Variants in AGBL4 observed in about 807,000 individuals in gnomAD.
AGBL4 encodes the protein AGBL carboxypeptidase 4.
Under a neutral mutation model 66.4 loss-of-function variants are expected in AGBL4, and 58 were observed. The ratio of observed to expected loss-of-function variants is 0.87; its 90% CI spans 0.71 to 1.09. The LOEUF (loss-of-function observed/expected upper bound fraction) is 1.09, where lower values mean the gene tolerates loss of function less well. Among genes scored for constraint, AGBL4 ranks in the 50% least tolerant of loss-of-function variants. The probability of loss-of-function intolerance (pLI) is 0.00; values close to 1 mark genes in which losing one functional copy is unlikely to be tolerated. For missense variants in AGBL4, 579 were observed against 631.0 expected, an observed-to-expected ratio of 0.92 and a Z score of 0.88; for synonymous variants, 234 against 222.9, an observed-to-expected ratio of 1.05 and a Z score of -0.44.
At chr1:49,538,640 G>A (rs999245841) in intron 3 of AGBL4, among the ~76,000 whole-genome samples, 4 of 152,068 alleles carry the variant, frequency 2.6e-5, no homozygotes, top group Non-Finnish European at 2.9e-5. Flanking sequence ...GGCAAAATGA[G>A]TGAAAATCAT....
intron 3 of AGBL4, among the ~76,000 whole-genome samples, chr1:49,579,988 C>T (rs1187636995): frequency 6.6e-6 from 1 of 152,078 alleles, no homozygotes; most frequent in African/African-American, 2.4e-5. Context: ...AATCTAAGTG[C>T]TCTGGTATTG....
chr1:49,006,292 C>G (rs1467273089), intron 5 of AGBL4, among the ~76,000 whole-genome samples: 3 of 152,172 alleles, frequency 2.0e-5, no homozygotes, highest in Non-Finnish European at 4.4e-5. Flanking sequence ...TCGGGTCACT[C>G]CCACCCGAAT....
chr1:49,188,794 T>C (rs1647061053), intron 4 of AGBL4, among the ~76,000 whole-genome samples: 1 of 152,198 alleles, frequency 6.6e-6, no homozygotes, highest in Non-Finnish European at 1.5e-5. Flanking sequence ...TTAACCTCTC[T>C]GAGCTTTAAT....
chr1:49,097,015 A>C (rs1272630469), intron 4 of AGBL4, among the ~76,000 whole-genome samples: 4 of 152,168 alleles, frequency 2.6e-5, no homozygotes, highest in African/African-American at 9.6e-5. Context: ...TAGCCCTGCC[A>C]ACAATTTGAC....
At chr1:49,273,073 T>G (rs1305702920) in intron 3 of AGBL4, among the ~76,000 whole-genome samples, 2 of 152,168 alleles carry the variant, frequency 1.3e-5, no homozygotes, top group African/African-American at 4.8e-5. Context: ...ATGTGAGCCT[T>G]TAAATCCTAA....
chr1:49,327,301 A>G (rs1645246313), intron 3 of AGBL4, among the ~76,000 whole-genome samples: 1 of 152,198 alleles, frequency 6.6e-6, no homozygotes, highest in Non-Finnish European at 1.5e-5. Flanking sequence ...TCTTATCTGC[A>G]TCTCAGTTCT....
chr1:49,445,238 G>A (rs1312340925), intron 3 of AGBL4, among the ~76,000 whole-genome samples: 3 of 151,722 alleles, frequency 2.0e-5, no homozygotes, highest in African/African-American at 7.3e-5. Context: ...TTTCTCTATA[G>A]GTGACTATGT....
chr1:48,801,862 C>T (rs536300353), intron 6 of AGBL4, among the ~76,000 whole-genome samples: 3 of 151,834 alleles, frequency 2.0e-5, no homozygotes, highest in African/African-American at 7.2e-5. Context: ...GTTTGTTAGT[C>T]CTGTCTTCCA....
At chr1:49,178,653 A>T (rs1025810669) in intron 4 of AGBL4, among the ~76,000 whole-genome samples, 4 of 152,136 alleles carry the variant, frequency 2.6e-5, no homozygotes, top group Non-Finnish European at 5.9e-5. Flanking sequence ...TCATTCTCAA[A>T]TTTAATCTTT....
chr1:49,911,623 G>T (rs984598296), intron 1 of AGBL4, among the ~76,000 whole-genome samples: 1 of 152,108 alleles, frequency 6.6e-6, no homozygotes, highest in Non-Finnish European at 1.5e-5. Context: ...CCCTAGTGGA[G>T]CCCAAAACCT....
chr1:48,922,633 A>G (rs1311907076), intron 5 of AGBL4, among the ~76,000 whole-genome samples: 2 of 152,194 alleles, frequency 1.3e-5, no homozygotes, highest in African/African-American at 2.4e-5. Flanking sequence ...ATACGATTTC[A>G]TTGTTATTCT....
At chr1:49,348,264 A>G (rs1645677864) in intron 3 of AGBL4, among the ~76,000 whole-genome samples, 1 of 151,976 alleles carries the variant, frequency 6.6e-6, no homozygotes, top group Non-Finnish European at 1.5e-5. Context: ...TAAAAATACA[A>G]AAAACTAGCC....
intron 1 of AGBL4, among the ~76,000 whole-genome samples, chr1:49,854,606 G>A (rs1646388716): frequency 6.6e-6 from 1 of 151,974 alleles, no homozygotes; most frequent in African/African-American, 2.4e-5. Context: ...CTCTTACCCT[G>A]GGGCCCAGCT....
chr1:49,820,049 G>A (rs1018581681), intron 2 of AGBL4, among the ~76,000 whole-genome samples: 8 of 152,238 alleles, frequency 5.3e-5, no homozygotes, highest in Admixed American at 5.2e-4. Flanking sequence ...CTCATGTCCT[G>A]CTTGTGTGAG....
chr1:49,157,151 G>T (rs1165554439), intron 4 of AGBL4, among the ~76,000 whole-genome samples: 5 of 151,940 alleles, frequency 3.3e-5, no homozygotes, highest in African/African-American at 1.2e-4. Context: ...TTGTTGCACA[G>T]GTATACACGT....
chr1:49,600,438 C>G (rs542736844), intron 3 of AGBL4, among the ~76,000 whole-genome samples: 23 of 152,240 alleles, frequency 1.5e-4, no homozygotes, highest in African/African-American at 5.1e-4. Context: ...GCAACTCCTG[C>G]ATTTTTTTGC....
intron 3 of AGBL4, among the ~76,000 whole-genome samples, chr1:49,657,907 GA>G (rs923842450): frequency 2.0e-5 from 3 of 152,008 alleles, no homozygotes; most frequent in Non-Finnish European, 4.4e-5. Flanking sequence ...GAAAACCCTA[GA>G]AAAAAACCTA....
chr1:48,843,483 G>C (rs76905044), intron 6 of AGBL4, among the ~76,000 whole-genome samples: 11,592 of 152,062 alleles, frequency 0.076, 613 homozygotes, highest in Non-Finnish European at 0.11. Context: ...ACCTGTTTTT[G>C]TATGGCCCAT....
At chr1:48,759,121 T>C (rs1644116756) in intron 6 of AGBL4, 1 of 1,612,170 alleles carries the variant, frequency 6.2e-7, no homozygotes, top group African/African-American at 1.3e-5. Context: ...CACCACAGCA[T>C]CTTCTAGACT....
Sources: allele counts gnomAD v4.1 joint callset (sites outside exome capture counted in the v4.1 genomes callset), GRCh38; gene constraint gnomAD v4.1.1; transcripts MANE v1.5; gene names NCBI Gene and HGNC (gene_info 2026-07-23, HGNC 2026-07-21).